The following DHX8 variants were observed in gnomAD, a reference collection of about 807,000 sequenced individuals.
DHX8 encodes ATP-dependent RNA helicase DHX8.
In DHX8, 67 loss-of-function variants were observed where a neutral mutation model predicts 140.7. The observed-to-expected ratio is 0.48, with a 90% CI of 0.39 to 0.58. The LOEUF is 0.58. Ranked by LOEUF, DHX8 falls within the 20% of genes least tolerant of loss-of-function variation. The pLI is 0.00. For missense variants in DHX8, 887 were observed against 1,550.7 expected (o/e 0.57, Z 7.19); for synonymous variants, 533 against 553.2 (o/e 0.96, Z 0.51).
intron 9 of DHX8, among the ~76,000 whole-genome samples, chr17:43,496,879 C>G (rs992380947): frequency 2.6e-5 from 4 of 152,088 alleles, no homozygotes; most frequent in Non-Finnish European, 5.9e-5. Flanking sequence ...CTGGATCCAC[C>G]TAGATTACCT....
chr17:43,543,276 A>ACTCTCTCTCTCTCTCTCTCTCTCTCT (rs60214474), intron 3 of DHX8, among the ~76,000 whole-genome samples: 2 of 138,140 alleles, frequency 1.4e-5, no homozygotes, highest in African/African-American at 5.5e-5. Context: ...ACACACACAC[A>ACTCTCTCTCTCTCTCTCTCTCTCTCT]CTCTCTCTCT....
intron 2 of DHX8, chr17:43,532,644 A>G (rs1363431013): frequency 1.3e-6 from 2 of 1,591,642 alleles, no homozygotes; most frequent in African/African-American, 1.3e-5. Flanking sequence ...ACTTGATCAC[A>G]TGCCACCCTG....
chr17:43,536,904 G>A (rs937117758), intron 3 of DHX8, among the ~76,000 whole-genome samples: 4 of 152,242 alleles, frequency 2.6e-5, no homozygotes, highest in African/African-American at 9.7e-5. Context: ...ACCTGTCTGA[G>A]CAGATTCCAG....
At chr17:43,531,665 A>G (rs140456006), downstream of DHX8, among the ~76,000 whole-genome samples, 587 of 152,294 alleles carry the variant, frequency 3.9e-3, 2 homozygotes, top group African/African-American at 0.013. Context: ...GCAAGACTCC[A>G]TCTCAAAACA....
intron 3 of DHX8, among the ~76,000 whole-genome samples, chr17:43,541,914 C>T (rs1971543029): frequency 6.6e-6 from 1 of 152,176 alleles, no homozygotes; most frequent in South Asian, 2.1e-4. Flanking sequence ...CTCATCCCTC[C>T]CCACAGACAT....
rs766616064 is a variant in DHX8, at chr17:43,510,174, G to A, written c.2502+1654G>A. On this transcript the variant is annotated intron_variant, in intron 16 of 22. Transcript: ENST00000262415. ...AGTGATTCTCCTGCCTCAGCCTCCC[G>A]AGTAGCTGTGATTACAGGCATGTGC... 5.9e-5 allele frequency among the ~76,000 whole-genome samples: 9 copies of A among 151,940 alleles called. 1 individual carries two copies. The highest frequency in any genetic ancestry group is 1.9e-4 in the African/African-American group (8 of 41,334).
At position 43,521,020 on chromosome 17, in the gene DHX8, G is replaced by A. The variant is rs1940561637; in HGVS notation, c.3066+141G>A. Reference sequence around the variant, plus strand: ...GAGTCTCACTCTGTTGCCCAGGCTGGAGTGCAGTGGAATGATCTTGCAATC... The same window carrying A: ...GAGTCTCACTCTGTTGCCCAGGCTGAAGTGCAGTGGAATGATCTTGCAATC... On this transcript the variant is annotated intron_variant, in intron 20 of 22. Coordinates refer to ENST00000262415, the MANE Select transcript of DHX8 (RefSeq NM_004941.3). The A allele has an allele frequency of 2.4e-5, 21 of 874,724 alleles. 1 individual carries two copies. In the South Asian group the frequency reaches 3.6e-4, roughly 15 times the overall value. 54.2% of individuals were successfully genotyped at this position (874,724 alleles called of 1,614,324 possible).
intron 10 of DHX8, 140 bp downstream of exon 10, chr17:43,499,099 T>C (rs1026970775): frequency 3.3e-6 from 2 of 611,348 alleles, no homozygotes; most frequent in Non-Finnish European, 2.7e-6. Flanking sequence ...TCTATAATAG[T>C]TTTATTTTAA....
intron 16 of DHX8, among the ~76,000 whole-genome samples, chr17:43,510,271 C>T (rs551237324): frequency 2.0e-5 from 3 of 152,288 alleles, no homozygotes; most frequent in Non-Finnish European, 4.4e-5. Flanking sequence ...TGGTCTCGAA[C>T]TCCTGACCTC....
In DHX8 at chr17:43,490,601, A is replaced by G. The variant is rs957864259; in HGVS notation, c.307+138A>G. On this transcript the variant is annotated intron_variant, in intron 3 of 22. Coordinates refer to ENST00000262415, the MANE Select transcript of DHX8 (RefSeq NM_004941.3). ...AAGATTTTTCAAATGGGCTGGGCCT[A>G]GCGGCTCACTGCTGGAATCCCAGCA... 11 of 700,332 alleles carry G rather than the reference A, an allele frequency of 1.6e-5. No individual in the cohort carries two copies. The African/African-American group carries it at 2.0e-4, about 13-fold the overall frequency. 43.4% of individuals were successfully genotyped at this position (700,332 alleles called of 1,614,324 possible).
At chr17:43,511,456 A>ATTTTTTTTTTTTTTGTTT (rs1969825289) in intron 16 of DHX8, among the ~76,000 whole-genome samples, 1 of 56,790 alleles carries the variant, frequency 1.8e-5, no homozygotes, top group Admixed American at 3.3e-4. Context: ...TGATCCCAGC[A>ATTTTTTTTTTTTTTGTTT]TTTTTTTTTT....
At chr17:43,508,596 A>T in intron 16 of DHX8, 76 bp downstream of exon 16, 210 of 826,330 alleles carry the variant, frequency 2.5e-4, no homozygotes, top group Non-Finnish European at 3.6e-4. Context: ...CATAGTAGGG[A>T]TTGCTTAGGG....
chr17:43,492,613 G>A, intron 5 of DHX8, 68 bp from the exon 6 acceptor site: 1 of 920,620 alleles, frequency 1.1e-6, no homozygotes, highest in South Asian at 1.5e-5. Flanking sequence ...ACTGTACTGG[G>A]TGCTTGGGGA....
At chr17:43,529,546 C>T, downstream of DHX8, 1 of 1,614,044 alleles carries the variant, frequency 6.2e-7, no homozygotes, top group East Asian at 2.2e-5. Context: ...CCCGGCCCGT[C>T]CAGGCAATGA....
At chr17:43,489,705 C>G (rs1056346308) in intron 2 of DHX8, among the ~76,000 whole-genome samples, 171 bp downstream of exon 2, 1 of 150,630 alleles carries the variant, frequency 6.6e-6, no homozygotes, top group Non-Finnish European at 1.5e-5. Context: ...ATTCTCTTGC[C>G]TCAGTCTCCC....
At chr17:43,486,455 A>G (rs1033729132) in intron 1 of DHX8, among the ~76,000 whole-genome samples, 4 of 152,216 alleles carry the variant, frequency 2.6e-5, no homozygotes, top group Admixed American at 6.5e-5. Flanking sequence ...GAACTGTAAT[A>G]CTGGATTATC....
At chr17:43,540,961 G>A (rs955747641) in intron 3 of DHX8, among the ~76,000 whole-genome samples, 1 of 152,124 alleles carries the variant, frequency 6.6e-6, no homozygotes, top group Non-Finnish European at 1.5e-5. Flanking sequence ...TAATGGGCTG[G>A]GGGTATCTCT....
At chr17:43,512,407 GA>G (rs1375466546) in intron 16 of DHX8, among the ~76,000 whole-genome samples, 1 of 148,182 alleles carries the variant, frequency 6.7e-6, no homozygotes, top group East Asian at 2.0e-4. Context: ...AAAAAAGGCA[GA>G]TGGACTTGAG....
At chr17:43,494,182 C>G (rs1253715390) in intron 8 of DHX8, among the ~76,000 whole-genome samples, 4 of 152,088 alleles carry the variant, frequency 2.6e-5, no homozygotes, top group African/African-American at 9.7e-5. Flanking sequence ...TTAAAACCAT[C>G]AGATCTCATG....
Sources: gnomAD v4.1 joint callset for allele counts (sites outside exome capture counted in the v4.1 genomes callset) on GRCh38, gnomAD v4.1.1 for gene constraint, MANE v1.5 for transcripts, NCBI Gene and HGNC (gene_info 2026-07-23, HGNC 2026-07-21) for gene names.